The following GAREM1 variants were observed in gnomAD, a reference collection of about 807,000 sequenced individuals.
The protein encoded by GAREM1 is GRB2 associated regulator of MAPK1 subtype 1.
A neutral mutation model predicts 71.3 loss-of-function variants in GAREM1; 26 were observed. That is an observed-to-expected ratio of 0.36 (90% CI 0.27 to 0.51). The LOEUF is 0.51. Ranked by LOEUF, GAREM1 falls within the 20% of genes least tolerant of loss-of-function variation. The pLI is 0.95. For missense variants in GAREM1, 1,026 were observed against 1,103.1 expected, an observed-to-expected ratio of 0.93 and a Z score of 0.99; for synonymous variants, 440 against 433.2, an observed-to-expected ratio of 1.02 and a Z score of -0.20.
intron 1 of GAREM1, chr18:32,412,313 G>C: frequency 1.3e-6 from 2 of 1,593,690 alleles, no homozygotes; most frequent in Non-Finnish European, 1.7e-6. Flanking sequence ...CACCGCCATA[G>C]GGGCCAGAGT....
intron 2 of GAREM1, among the ~76,000 whole-genome samples, chr18:32,354,095 T>C (rs543180456): frequency 6.6e-6 from 1 of 152,298 alleles, no homozygotes; most frequent in South Asian, 2.1e-4. Flanking sequence ...TCATGAGCAT[T>C]ACAAGGTAGC....
chr18:32,418,583 A>G (rs2048487682), intron 1 of GAREM1, among the ~76,000 whole-genome samples: 1 of 152,192 alleles, frequency 6.6e-6, no homozygotes, highest in Admixed American at 6.5e-5. Flanking sequence ...TTTAAGCATG[A>G]TGATATTTAA....
At chr18:32,418,203 CAT>C (rs1337077067) in intron 1 of GAREM1, among the ~76,000 whole-genome samples, 9 of 152,244 alleles carry the variant, frequency 5.9e-5, no homozygotes, top group African/African-American at 2.2e-4. Flanking sequence ...TAATCACATA[CAT>C]ATAATAGAGC....
chr18:32,455,333 G>A (rs2048877118), intron 1 of GAREM1, among the ~76,000 whole-genome samples: 1 of 152,158 alleles, frequency 6.6e-6, no homozygotes, highest in Admixed American at 6.6e-5. Flanking sequence ...GAATTTTTAA[G>A]TGGACAGATG....
chr18:32,414,097 A>C (rs2048445249), intron 1 of GAREM1, among the ~76,000 whole-genome samples: 1 of 152,174 alleles, frequency 6.6e-6, no homozygotes, highest in Admixed American at 6.5e-5. Flanking sequence ...TATTTTAATG[A>C]CTGAAAGTAT....
intron 1 of GAREM1, among the ~76,000 whole-genome samples, chr18:32,416,483 C>T (rs942287082): frequency 3.9e-5 from 6 of 152,058 alleles, no homozygotes; most frequent in Admixed American, 1.3e-4. Context: ...TACTACAGAG[C>T]TACAGTAACC....
chr18:32,407,591 C>G (rs914269357), intron 1 of GAREM1, among the ~76,000 whole-genome samples: 1 of 152,156 alleles, frequency 6.6e-6, no homozygotes, highest in Non-Finnish European at 1.5e-5. Flanking sequence ...GCTAGAATCT[C>G]CAGTACAATG....
chr18:32,348,722 A>G (rs1418849630), intron 2 of GAREM1, among the ~76,000 whole-genome samples: 1 of 152,192 alleles, frequency 6.6e-6, no homozygotes, highest in Non-Finnish European at 1.5e-5. Flanking sequence ...ATGAGACTCC[A>G]TCTCTAAATA....
intron 1 of GAREM1, among the ~76,000 whole-genome samples, chr18:32,398,624 T>C (rs187630038): frequency 2.0e-5 from 3 of 152,276 alleles, no homozygotes; most frequent in Admixed American, 1.3e-4. Flanking sequence ...CAGGAAGAAG[T>C]TGAATCCCTG....
intron 2 of GAREM1, chr18:32,331,667 A>T (rs530752161): frequency 6.6e-6 from 1 of 152,314 alleles, no homozygotes; most frequent in South Asian, 2.1e-4. Context: ...TCAAGAACGC[A>T]TCTATAACAA....
At chr18:32,439,523 A>G (rs2048713540) in intron 1 of GAREM1, among the ~76,000 whole-genome samples, 1 of 152,162 alleles carries the variant, frequency 6.6e-6, no homozygotes, top group Admixed American at 6.5e-5. Flanking sequence ...CTCCAACTCA[A>G]GAGAACATAG....
At chr18:32,375,484 G>A (rs1340230496) in intron 2 of GAREM1, among the ~76,000 whole-genome samples, 3 of 152,218 alleles carry the variant, frequency 2.0e-5, no homozygotes, top group African/African-American at 7.2e-5. Context: ...TCCAATGCCA[G>A]TCTAAATCTA....
chr18:32,402,883 GTGGACCTTTTGGTTGGA>G (rs1567997281), intron 1 of GAREM1, among the ~76,000 whole-genome samples: 2 of 114,550 alleles, frequency 1.7e-5, no homozygotes, highest in Non-Finnish European at 3.6e-5. Context: ...TGCTCGTGGA[GTGGACCTTTTGGTTGGA>G]TTTTCAATCT....
intron 1 of GAREM1, among the ~76,000 whole-genome samples, chr18:32,448,677 T>C (rs1332313641): frequency 1.3e-5 from 2 of 152,254 alleles, no homozygotes; most frequent in African/African-American, 2.4e-5. Context: ...ATCATATGTA[T>C]GTATTTATGT....
At chr18:32,428,139 C>G (rs1461356604) in intron 1 of GAREM1, among the ~76,000 whole-genome samples, 1 of 152,134 alleles carries the variant, frequency 6.6e-6, no homozygotes, top group African/African-American at 2.4e-5. Context: ...GTTTGACAAG[C>G]TTATGAATAA....
At chr18:32,418,003 T>C (rs2048480854) in intron 1 of GAREM1, among the ~76,000 whole-genome samples, 1 of 152,150 alleles carries the variant, frequency 6.6e-6, no homozygotes, top group African/African-American at 2.4e-5. Flanking sequence ...ACACCTACTA[T>C]GTACGCACAA....
At chr18:32,387,572 CTA>C (rs1270246612) in intron 2 of GAREM1, among the ~76,000 whole-genome samples, 1 of 152,188 alleles carries the variant, frequency 6.6e-6, no homozygotes, top group Admixed American at 6.5e-5. Flanking sequence ...AGTGGGTTCT[CTA>C]TTATTAGCAA....
chr18:32,400,617 C>A (rs1248270956), intron 1 of GAREM1, among the ~76,000 whole-genome samples: 1 of 152,146 alleles, frequency 6.6e-6, no homozygotes, highest in Non-Finnish European at 1.5e-5. Context: ...ATCAAAACCA[C>A]AATAAGATAC....
chr18:32,413,068 A>G (rs940705582), intron 1 of GAREM1: 2 of 1,552,812 alleles, frequency 1.3e-6, no homozygotes, highest in South Asian at 1.1e-5. Context: ...AGCGTTCCCC[A>G]TTGCTCAAAA....
Sources: allele counts gnomAD v4.1 joint callset (sites outside exome capture counted in the v4.1 genomes callset), GRCh38; gene constraint gnomAD v4.1.1; transcripts MANE v1.5; gene names NCBI Gene and HGNC (gene_info 2026-07-23, HGNC 2026-07-21).